The following ZNF385D variants were observed in gnomAD, a reference collection of about 807,000 sequenced individuals.
ZNF385D encodes the protein zinc finger protein 385D.
In ZNF385D, 15 loss-of-function variants were observed where a neutral mutation model predicts 35.8. That is an observed-to-expected ratio of 0.42 (90% confidence interval 0.28 to 0.64). ZNF385D has a LOEUF of 0.64. ZNF385D is among the 30% of genes least tolerant of loss of function. The pLI, the probability that ZNF385D is intolerant of heterozygous loss-of-function variation, is 0.23. For missense variants in ZNF385D, 474 were observed against 494.6 expected (o/e 0.96, Z 0.39); for synonymous variants, 212 against 186.8 (o/e 1.13, Z -1.10).
intron 3 of ZNF385D, among the ~76,000 whole-genome samples, chr3:21,925,390 C>A (rs1684478): frequency 2.6e-5 from 4 of 152,088 alleles, no homozygotes; most frequent in African/African-American, 9.7e-5. Context: ...TGAAGAACAA[C>A]TGCTGAAACA....
At chr3:21,955,450 A>C (rs1429573952) in intron 3 of ZNF385D, among the ~76,000 whole-genome samples, 1 of 152,116 alleles carries the variant, frequency 6.6e-6, no homozygotes, top group Non-Finnish European at 1.5e-5. Flanking sequence ...ATTCTGGCCA[A>C]TAAATATCAC....
chr3:22,088,504 C>A (rs745530964), intron 3 of ZNF385D, among the ~76,000 whole-genome samples: 1 of 152,062 alleles, frequency 6.6e-6, no homozygotes, highest in Non-Finnish European at 1.5e-5. Flanking sequence ...GGCCAGACTC[C>A]CAGTTTGCAA....
At chr3:21,815,352 G>C (rs957650053) in intron 3 of ZNF385D, among the ~76,000 whole-genome samples, 1 of 152,064 alleles carries the variant, frequency 6.6e-6, no homozygotes, top group Non-Finnish European at 1.5e-5. Context: ...AACTGAAGGA[G>C]ATAGAGACAC....
At chr3:22,236,074 C>T (rs1001067949) in intron 2 of ZNF385D, among the ~76,000 whole-genome samples, 2 of 152,026 alleles carry the variant, frequency 1.3e-5, no homozygotes, top group South Asian at 4.2e-4. Context: ...AGGAACCTGA[C>T]ACATCTGGAA....
At chr3:22,198,144 C>T (rs777364847) in intron 2 of ZNF385D, among the ~76,000 whole-genome samples, 7 of 151,908 alleles carry the variant, frequency 4.6e-5, no homozygotes, top group South Asian at 4.2e-4. Context: ...TACAGTAATG[C>T]GGTTATGAGA....
chr3:22,043,888 A>G (rs182704178), intron 3 of ZNF385D, among the ~76,000 whole-genome samples: 48 of 152,254 alleles, frequency 3.2e-4, no homozygotes, highest in African/African-American at 1.0e-3. Context: ...GAAGATGATC[A>G]TGTAAGCAAA....
intron 4 of ZNF385D, among the ~76,000 whole-genome samples, chr3:21,489,720 GC>G (rs1388476469): frequency 3.9e-5 from 6 of 152,046 alleles, no homozygotes; most frequent in African/African-American, 1.2e-4. Flanking sequence ...CCTCATATCT[GC>G]CCCATCCTGT....
At position 21,767,704 on chromosome 3, in the gene ZNF385D, A is replaced by G. The variant is rs568885438; in HGVS notation, c.326-102676T>C. Among the ~76,000 whole-genome samples the G allele has an allele frequency of 3.9e-5, 6 of 152,110 alleles. No homozygotes were observed. In the South Asian group the frequency reaches 1.2e-3, roughly 32 times the overall value. On this transcript the variant is annotated intron_variant, in intron 3 of 5. Transcript: ENST00000494108. ...GGGGGGTGGGAGAGGAAGAGAGGGT[A>G]GAGAGGATTGAGAGAGAAAGAAGAG... is the stretch of plus-strand genomic sequence containing the variant.
intron 3 of ZNF385D, among the ~76,000 whole-genome samples, chr3:21,945,900 T>C (rs644091): frequency 0.06 from 9,135 of 152,268 alleles, 439 homozygotes; most frequent in African/African-American, 0.12. Flanking sequence ...GATTAATAAG[T>C]CTTACATTTT....
At chr3:22,219,547 A>C (rs796098478) in intron 2 of ZNF385D, among the ~76,000 whole-genome samples, 6 of 152,240 alleles carry the variant, frequency 3.9e-5, no homozygotes, top group African/African-American at 1.2e-4. Flanking sequence ...ATTAACAAAT[A>C]ATGTATCATT....
intron 3 of ZNF385D, among the ~76,000 whole-genome samples, chr3:21,982,197 A>G (rs1025201612): frequency 2.1e-4 from 32 of 149,516 alleles, no homozygotes; most frequent in African/African-American, 7.7e-4. Flanking sequence ...GATTCTTCCT[A>G]TTCATGAGCG....
chr3:22,163,550 G>C (rs1706109923), intron 3 of ZNF385D, among the ~76,000 whole-genome samples: 1 of 152,120 alleles, frequency 6.6e-6, no homozygotes, highest in African/African-American at 2.4e-5. Flanking sequence ...TTTTTTTGTA[G>C]TATATAATAG....
chr3:21,597,704 G>T (rs965376311), intron 2 of ZNF385D, among the ~76,000 whole-genome samples: 3 of 152,160 alleles, frequency 2.0e-5, no homozygotes, highest in Admixed American at 6.5e-5. Context: ...CCAAATGGGG[G>T]TTTTGTGATT....
chr3:21,684,724 A>G (rs1473426810), intron 1 of ZNF385D, among the ~76,000 whole-genome samples: 1 of 152,170 alleles, frequency 6.6e-6, no homozygotes, highest in Non-Finnish European at 1.5e-5. Flanking sequence ...AGGGTTATTA[A>G]TCAGAGCAAA....
intron 1 of ZNF385D, among the ~76,000 whole-genome samples, chr3:21,667,216 C>A (rs2066434100): frequency 6.6e-6 from 1 of 152,200 alleles, no homozygotes; most frequent in South Asian, 2.1e-4. Flanking sequence ...GGCTGGAGTG[C>A]TGTGGTGCCA....
At chr3:21,451,513 C>G (rs1419913718) in intron 4 of ZNF385D, among the ~76,000 whole-genome samples, 1 of 151,978 alleles carries the variant, frequency 6.6e-6, no homozygotes, top group Middle Eastern at 3.2e-3. Context: ...GTGGATCTCT[C>G]AAGTTAGTCC....
chr3:21,566,961 G>GTGTC (rs2063170050), intron 2 of ZNF385D, among the ~76,000 whole-genome samples: 1 of 152,104 alleles, frequency 6.6e-6, no homozygotes. Flanking sequence ...GTGGTGATTT[G>GTGTC]TGTCTGGAAT....
chr3:21,797,795 A>G (rs1432658481), intron 3 of ZNF385D, among the ~76,000 whole-genome samples: 1 of 152,192 alleles, frequency 6.6e-6, no homozygotes, highest in Non-Finnish European at 1.5e-5. Flanking sequence ...AAAATGGAAA[A>G]GGAAAAACTA....
chr3:22,150,735 C>T (rs1320450998), intron 3 of ZNF385D, among the ~76,000 whole-genome samples: 2 of 152,038 alleles, frequency 1.3e-5, no homozygotes, highest in African/African-American at 4.8e-5. Flanking sequence ...CTAAGAGAAG[C>T]ATCCAGACTA....
Sources: gnomAD v4.1 joint callset for allele counts (sites outside exome capture counted in the v4.1 genomes callset) on GRCh38, gnomAD v4.1.1 for gene constraint, MANE v1.5 for transcripts, NCBI Gene and HGNC (gene_info 2026-07-23, HGNC 2026-07-21) for gene names.